Variants in TRMT2A observed in about 807,000 individuals in gnomAD.
The protein encoded by TRMT2A is tRNA (uracil-5-)-methyltransferase homolog A.
In TRMT2A, 60 loss-of-function variants were observed where a neutral mutation model predicts 59.3. That is an observed-to-expected ratio of 1.01 (90% CI 0.82 to 1.26). The LOEUF is 1.26. Among genes scored for constraint, TRMT2A ranks in the 50% most tolerant of loss-of-function variants. TRMT2A has a pLI of 0.00. For missense variants in TRMT2A, 863 were observed against 845.2 expected (o/e 1.02, Z -0.26); for synonymous variants, 403 against 353.7 (o/e 1.14, Z -1.56).
In TRMT2A at chr22:20,115,696, C is replaced by T. The variant is rs1444582127; in HGVS notation, c.684G>A (p.Glu228=). The change falls in exon 3 of 12, where the codon GAG becomes GAA. Residue 228 remains glutamate, a synonymous_variant. Transcript: ENST00000252136. Reference sequence around the variant, plus strand: ...CCTGCTGGGGTGATGGCCTGACCCCCTCCAGCGGGCAGCAGGCCTTGTTGT... The same window carrying T: ...CCTGCTGGGGTGATGGCCTGACCCCTTCCAGCGGGCAGCAGGCCTTGTTGT... ...HKHNKACCPL[E]GVRPSPQQTE... is the part of the protein sequence containing the mutation. 6.2e-7 allele frequency: 1 copy of T among 1,612,966 alleles called. No homozygotes were observed. Among genetic ancestry groups the T allele is most frequent in the Non-Finnish European group, 8.5e-7 (1 of 1,180,014 alleles).
rs778068968 is a variant in TRMT2A, at chr22:20,114,820, T to C, written c.1062A>G (p.Thr354=). The C allele has an allele frequency of 1.2e-6, 2 of 1,608,970 alleles. No individual in the cohort carries two copies. Among genetic ancestry groups the C allele is most frequent in the African/African-American group, 1.3e-5 (1 of 74,850 alleles). The change falls in exon 6 of 12, where the codon ACA becomes ACG. Residue 354 remains threonine (T), a synonymous_variant. Coordinates refer to ENST00000252136, the MANE Select transcript of TRMT2A (RefSeq NM_022727.6). ...ELKTSLAQHF[T]AGPGRASGVT... is the part of the protein sequence containing the mutation. ...CTCCACTGGCCCTGCCTGGCCCTGC[T>C]GTGAAGTGCTGCGCTAGGGAGGTCT...
intron 2 of TRMT2A, 77 bp from the exon 3 acceptor site, chr22:20,115,857 G>C (rs1318909441): frequency 1.8e-5 from 26 of 1,471,600 alleles, no homozygotes; most frequent in Non-Finnish European, 2.8e-6. Flanking sequence ...CAAATGTCCA[G>C]GCTCCTGACC....
rs779122456 is a variant in TRMT2A at position 20,112,816 on chromosome 22, G to A, written c.1647-22C>T. The A allele has an allele frequency of 2.5e-5, 41 of 1,612,564 alleles. No homozygotes were observed. In the African/African-American group the frequency reaches 3.2e-4, roughly 13 times the overall value. ...GAGGCTGTGGGGGGAAAAGGGGGGC[G>A]CTAAGGTCAGCCGATAGGCTAATCA... On this transcript the variant is annotated intron_variant, in intron 11 of 11. Transcript: ENST00000252136.
chr22:20,112,494 A>G lies in TRMT2A; in HGVS notation c.*69T>C, dbSNP rs2049872476. ...CTACCTCTGAATATCCTGGCCAGCA[A>G]GCCATGCCTTCCCCGCCCCTGGGGC... On this transcript the variant is annotated 3_prime_UTR_variant, in exon 12 of 12. Coordinates refer to ENST00000252136, the MANE Select transcript of TRMT2A (RefSeq NM_022727.6). 6.5e-7 allele frequency: 1 copy of G among 1,535,186 alleles called. No individual in the cohort carries two copies. The highest frequency in any genetic ancestry group is 8.8e-7 in the Non-Finnish European group (1 of 1,138,196).
At position 20,112,801 on chromosome 22, in the gene TRMT2A, G is replaced by C. The variant is rs768106976; in HGVS notation, c.1647-7C>G. 1.2e-6 allele frequency: 2 copies of C among 1,612,876 alleles called. No individual in the cohort carries two copies. Among genetic ancestry groups the C allele is most frequent in the Admixed American group, 1.7e-5 (1 of 59,986 alleles). ...AGATGGGGCTCTGCAGAGGCTGTGG[G>C]GGGAAAAGGGGGGCGCTAAGGTCAG... is the stretch of plus-strand genomic sequence containing the variant. On this transcript the variant is annotated splice_polypyrimidine_tract_variant and splice_region_variant and intron_variant, in intron 11 of 11. Transcript: ENST00000252136.
At position 20,113,807 on chromosome 22, in the gene TRMT2A, A is replaced by C; in HGVS notation, c.1235T>G (p.Val412Gly). 6.4e-7 allele frequency: 1 copy of C among 1,563,776 alleles called. No homozygotes were observed. Among genetic ancestry groups the C allele is most frequent in the Non-Finnish European group, 8.7e-7 (1 of 1,153,648 alleles). Residue 412 changes from valine to glycine, a missense_variant and splice_region_variant, in exon 8 of 12, where the codon GTG (valine) becomes GGG (glycine). By Grantham distance (109) the Val-to-Gly change is moderately radical. Transcript: ENST00000252136. ...FRISPHAFFQ[V>G]NTPAAEVLYT... The stretch of plus-strand genomic sequence containing the variant: ...GAGCACCTCGGCTGCGGGTGTGTTC[A>C]CCTGGGGGCAGGCGGTGCCCAGGAT...
intron 3 of TRMT2A, 43 bp downstream of exon 3, chr22:20,115,629 A>G: frequency 3.1e-6 from 5 of 1,608,804 alleles, no homozygotes; most frequent in African/African-American, 1.3e-5. Flanking sequence ...AAGTTTTTCA[A>G]AACCCAGGAT....
At chr22:20,114,527 A>G (rs758117337) in intron 7 of TRMT2A, 47 bp downstream of exon 7, 2 of 1,485,586 alleles carry the variant, frequency 1.3e-6, no homozygotes, top group South Asian at 1.1e-5. Flanking sequence ...ATGGTGCGTC[A>G]GGCCTCCCTC....
Position 20,115,124 on chromosome 22 carries a change from C to T in TRMT2A, c.891-45G>A, listed in dbSNP as rs527719950. ...GCCCAAGTGCCCACAACTGGGCAAGCAGTCCCCCTGCTCTCTCCTCTGGCC... is the reference window on the plus strand; with the variant it reads ...GCCCAAGTGCCCACAACTGGGCAAGTAGTCCCCCTGCTCTCTCCTCTGGCC... On this transcript the variant is annotated intron_variant, in intron 4 of 11. Coordinates refer to ENST00000252136, the MANE Select transcript of TRMT2A (RefSeq NM_022727.6). The T allele has an allele frequency of 8.5e-4, 1,330 of 1,561,950 alleles. 16 individuals carry two copies. The South Asian group carries it at 0.015, about 17-fold the overall frequency.
intron 9 of TRMT2A, 70 bp downstream of exon 9, chr22:20,113,362 G>C (rs1460419861): frequency 1.3e-6 from 2 of 1,556,234 alleles, no homozygotes; most frequent in East Asian, 4.5e-5. Flanking sequence ...AGCCCTGGCT[G>C]TGGCTGAGGC....
rs772388226 is a variant in TRMT2A at position 20,116,296 on chromosome 22, A to G, written c.341T>C (p.Val114Ala). The change falls in exon 2 of 12, where the codon GTG (valine) becomes GCG (alanine). Residue 114 changes from valine (V) to alanine (A), a missense_variant. Transcript: ENST00000252136. The part of the protein sequence containing the change: ...KLFGQPPCAF[V>A]TFRSAAERDK... ...CCTCTCTGCAGCGCTGCGGAATGTC[A>G]CAAAGGCGCAGGGTGGTTGCCCAAA... 1.9e-6 allele frequency: 3 copies of G among 1,612,962 alleles called. No homozygotes were observed. Among genetic ancestry groups the G allele is most frequent in the East Asian group, 2.2e-5 (1 of 44,868 alleles).
At chr22:20,113,393 GCCCC>G in intron 9 of TRMT2A, 35 bp downstream of exon 9, 1 of 1,556,224 alleles carries the variant, frequency 6.4e-7, no homozygotes, top group Non-Finnish European at 8.8e-7. Context: ...GGTGGCGGCT[GCCCC>G]CATCCCCACC....
Position 20,112,630 on chromosome 22 carries a change from G to A in TRMT2A, c.1811C>T (p.Pro604Leu), listed in dbSNP as rs916414499. The change falls in exon 12 of 12, where the codon CCA becomes CTA. Residue 604 changes from proline to leucine, a missense_variant. Coordinates refer to ENST00000252136, the MANE Select transcript of TRMT2A (RefSeq NM_022727.6). ...TGGGGGTCCTGGTGTGGGTTGAGCT[G>A]GAGGGCTGTGGGGCCCCAAGACCCC... ...GTGVLGPHSP[P>L]AQPTPGPPDN... is the part of the protein sequence containing the mutation. The A allele has an allele frequency of 6.8e-6, 11 of 1,614,002 alleles. No homozygotes were observed. Among genetic ancestry groups the A allele is most frequent in the Non-Finnish European group, 9.3e-6 (11 of 1,180,034 alleles).
Position 20,115,277 on chromosome 22 carries a change from C to T in TRMT2A, c.879G>A (p.Gln293=). The stretch of plus-strand genomic sequence containing the variant: ...TCACAGGTCCTCACCGGATGAACTC[C>T]TGGAAGGCCTTCACCACCTGCTTGG... ...EATKQVVKAF[Q]EFIRSTPYSA... is the part of the protein sequence containing the mutation. Residue 293 remains glutamine (Q), a synonymous_variant, in exon 4 of 12, where the codon CAG becomes CAA. Coordinates refer to ENST00000252136, the MANE Select transcript of TRMT2A (RefSeq NM_022727.6). The T allele has an allele frequency of 5.0e-6, 8 of 1,612,106 alleles. No individual in the cohort carries two copies. Among genetic ancestry groups the T allele is most frequent in the Non-Finnish European group, 6.8e-6 (8 of 1,179,288 alleles).
In TRMT2A at chr22:20,112,122, C is replaced by A; in HGVS notation, c.*441G>T. The A allele has an allele frequency of 5.8e-6, 1 of 172,370 alleles. No individual in the cohort carries two copies. The highest frequency in any genetic ancestry group is 1.6e-4 in the South Asian group (1 of 6,224). The allele number at this position is 172,370 out of a possible 1,614,324, so 10.7% of individuals were successfully genotyped here. On this transcript the variant is annotated 3_prime_UTR_variant, in exon 12 of 12. Transcript: ENST00000252136. ...CCCCCAGCTGGTGCAGTTCCCAGAC[C>A]TCTCTCTGCCTCTCCTCAAGTTTAA... is the stretch of plus-strand genomic sequence containing the variant.
chr22:20,116,597 C>G lies in TRMT2A; in HGVS notation c.40G>C (p.Glu14Gln). 6.5e-7 allele frequency: 1 copy of G among 1,545,698 alleles called. No individual in the cohort carries two copies. The highest frequency in any genetic ancestry group is 8.7e-7 in the Non-Finnish European group (1 of 1,151,448). The change falls in exon 2 of 12, where the codon GAG becomes CAG. Residue 14 changes from glutamate to glutamine, a missense_variant. Glu to Gln is a conservative substitution (Grantham distance 29). Transcript: ENST00000252136. The stretch of plus-strand genomic sequence containing the variant: ...CTGCTGCTCTCCTGGCCACAGCTCT[C>G]CATGGGCTTCGGGCCCTGTGTGGGG... ...NLDNEGPKPM[E>Q]SCGQESSSAL...
In TRMT2A at chr22:20,116,428, G is replaced by A; in HGVS notation, c.209C>T (p.Ser70Phe). The A allele has an allele frequency of 6.2e-7, 1 of 1,612,684 alleles. No individual in the cohort carries two copies. The highest frequency in any genetic ancestry group is 2.2e-5 in the East Asian group (1 of 44,862). ...CTGCAGCTCCAGTTTAAAGATCTCAGAGGTAAACAAGTCATCCCTGATGTA... is the reference window on the plus strand; with the variant it reads ...CTGCAGCTCCAGTTTAAAGATCTCAAAGGTAAACAAGTCATCCCTGATGTA... ...YSYIRDDLFTSEIFKLELQNV... is the reference protein window; with the variant it reads ...YSYIRDDLFTFEIFKLELQNV... The change falls in exon 2 of 12, where the codon TCT becomes TTT. Residue 70 changes from serine to phenylalanine, a missense_variant. Coordinates refer to ENST00000252136, the MANE Select transcript of TRMT2A (RefSeq NM_022727.6).
chr22:20,112,563 C>T lies in TRMT2A; in HGVS notation c.1878G>A (p.Ter626=). Residue 626 remains the stop codon, a stop_retained_variant, in exon 12 of 12, where the codon TAG becomes TAA. Coordinates refer to ENST00000252136, the MANE Select transcript of TRMT2A (RefSeq NM_022727.6). ...LQETGTFPSS[*] is the part of the protein sequence containing the mutation. ...CCTGTCCCCATAATGGGTCCTGGGC[C>T]TAGGATGAGGGGAAGGTCCCAGTTT... The T allele has an allele frequency of 6.2e-7, 1 of 1,613,700 alleles. No individual in the cohort carries two copies. The highest frequency in any genetic ancestry group is 8.5e-7 in the Non-Finnish European group (1 of 1,179,962).
rs780771165 is a variant in TRMT2A, at chr22:20,115,255, C to T, written c.890+11G>A. 6 of 1,605,786 alleles carry T rather than the reference C, an allele frequency of 3.7e-6. No individual in the cohort carries two copies. Among genetic ancestry groups the T allele is most frequent in the South Asian group, 3.3e-5 (3 of 90,800 alleles). On this transcript the variant is annotated intron_variant, in intron 4 of 11. Transcript: ENST00000252136. ...ATAGGACTTCCCGGGAGCCCCGTCA[C>T]AGGTCCTCACCGGATGAACTCCTGG...
Sources: gnomAD v4.1 joint callset for allele counts on GRCh38, gnomAD v4.1.1 for gene constraint, MANE v1.5 for transcripts, NCBI Gene and HGNC (gene_info 2026-07-23, HGNC 2026-07-21) for gene names.